NTNG1: variants seen among roughly 807,000 people sequenced by gnomAD.
The protein encoded by NTNG1 is netrin-G1.
Under a neutral mutation model 54.0 loss-of-function variants are expected in NTNG1, and 16 were observed. The observed-to-expected ratio is 0.30, with a 90% confidence interval of 0.20 to 0.45. NTNG1 has a LOEUF of 0.45. NTNG1 is among the 20% of genes least tolerant of loss of function. NTNG1 has a pLI of 1.00. For synonymous variants in NTNG1, 255 were observed against 263.1 expected, an observed-to-expected ratio of 0.97 and a Z score of 0.30; for missense variants, 530 against 678.7, an observed-to-expected ratio of 0.78 and a Z score of 2.43.
At chr1:107,224,028 C>G (rs531724400) in intron 2 of NTNG1, among the ~76,000 whole-genome samples, 1 of 152,116 alleles carries the variant, frequency 6.6e-6, no homozygotes, top group African/African-American at 2.4e-5. Context: ...AATTAGAGCA[C>G]GAAGTCACAG....
At chr1:107,338,926 T>C (rs1668748188) in intron 3 of NTNG1, among the ~76,000 whole-genome samples, 1 of 151,906 alleles carries the variant, frequency 6.6e-6, no homozygotes, top group Admixed American at 6.6e-5. Flanking sequence ...AAAAATATAT[T>C]GTTTTTCTTT....
intron 7 of NTNG1, among the ~76,000 whole-genome samples, chr1:107,451,148 C>T (rs866149020): frequency 5.4e-5 from 8 of 147,042 alleles, no homozygotes; most frequent in African/African-American, 2.0e-4. Flanking sequence ...GGACTTTCCA[C>T]GGGGTTATTT....
At chr1:107,361,374 C>CACATATATAT (rs1285054598) in intron 3 of NTNG1, among the ~76,000 whole-genome samples, 72 of 87,956 alleles carry the variant, frequency 8.2e-4, no homozygotes, top group South Asian at 2.0e-3. Context: ...TATATATATA[C>CACATATATAT]ATATATATAT....
chr1:107,456,765 T>C (rs1353707890), intron 7 of NTNG1, among the ~76,000 whole-genome samples: 2 of 152,256 alleles, frequency 1.3e-5, no homozygotes, highest in East Asian at 3.8e-4. Context: ...GCAATATTGT[T>C]GCTTATGTAA....
At chr1:107,167,607 C>T (rs1247225870) in intron 2 of NTNG1, among the ~76,000 whole-genome samples, 1 of 151,854 alleles carries the variant, frequency 6.6e-6, no homozygotes, top group Admixed American at 6.6e-5. Flanking sequence ...GGTTAAATGA[C>T]TTGCCATAAG....
At chr1:107,161,768 T>C (rs4366346) in intron 2 of NTNG1, among the ~76,000 whole-genome samples, 4,175 of 152,036 alleles carry the variant, frequency 0.027, 91 homozygotes, top group South Asian at 0.067. Context: ...AAAAAAGATA[T>C]CACTGACAGA....
Position 107,421,024 on chromosome 1 carries a change from A to G in NTNG1, c.1088-9726A>G, listed in dbSNP as rs1159039171. 3 of 1,174,502 alleles carry G rather than the reference A, an allele frequency of 2.6e-6. 1 individual carries two copies. The highest frequency in any genetic ancestry group is 1.5e-5 in the African/African-American group (1 of 66,474). 72.8% of individuals were successfully genotyped at this position (1,174,502 alleles called of 1,614,324 possible). On this transcript the variant is annotated intron_variant, in intron 5 of 7. Transcript: ENST00000370068. ...TCAAGTGGGTTGGTGATAAGTTATT[A>G]CAGTTTGAACGTTTCACTATTGTTT...
intron 2 of NTNG1, among the ~76,000 whole-genome samples, chr1:107,177,185 T>C (rs1037201207): frequency 6.6e-6 from 1 of 152,154 alleles, no homozygotes; most frequent in East Asian, 1.9e-4. Flanking sequence ...ACCATAATAT[T>C]CGAGGCCCTA....
rs72701235 is a variant in NTNG1, at chr1:107,458,053, T to G, written c.1390+21254T>G. On this transcript the variant is annotated intron_variant, in intron 7 of 7. Coordinates refer to ENST00000370068, the MANE Select transcript of NTNG1 (RefSeq NM_001113226.3). Reference sequence around the variant, plus strand: ...TCTAATAGCCCAAGTGCAGATATATTCAATTCCAACATGTTCGCATCTAAA... The same window carrying G: ...TCTAATAGCCCAAGTGCAGATATATGCAATTCCAACATGTTCGCATCTAAA... Among the ~76,000 whole-genome samples the G allele has an allele frequency of 5.0e-3, 760 of 152,270 alleles. 6 individuals are homozygous for G. The highest frequency in any genetic ancestry group is 6.5e-3 in the Non-Finnish European group (445 of 67,998).
intron 2 of NTNG1, among the ~76,000 whole-genome samples, chr1:107,163,683 A>G (rs1655568338): frequency 6.6e-6 from 1 of 152,238 alleles, no homozygotes; most frequent in African/African-American, 2.4e-5. Context: ...TCACTCATGG[A>G]TACAATGACA....
At chr1:107,237,003 C>T (rs1661458349) in intron 2 of NTNG1, among the ~76,000 whole-genome samples, 1 of 152,132 alleles carries the variant, frequency 6.6e-6, no homozygotes, top group Non-Finnish European at 1.5e-5. Context: ...AACTTTGGAA[C>T]TAGGTAACAG....
At chr1:107,248,617 G>A (rs747859708) in intron 2 of NTNG1, among the ~76,000 whole-genome samples, 1 of 152,024 alleles carries the variant, frequency 6.6e-6, no homozygotes, top group South Asian at 2.1e-4. Context: ...CTATAATGAC[G>A]ATCACAATAT....
chr1:107,480,438 CATTT>C (rs1238249533), intron 7 of NTNG1, among the ~76,000 whole-genome samples, 169 bp from the exon 8 acceptor site: 1 of 152,086 alleles, frequency 6.6e-6, no homozygotes, highest in Admixed American at 6.5e-5. Flanking sequence ...CAGAAAACTA[CATTT>C]GTTTGGAAAT....
At chr1:107,416,961 A>T (rs1674253428) in intron 5 of NTNG1, among the ~76,000 whole-genome samples, 1 of 152,122 alleles carries the variant, frequency 6.6e-6, no homozygotes. Flanking sequence ...AGCTTTATTA[A>T]ATAAAACAAT....
chr1:107,256,794 A>G (rs948526382), intron 2 of NTNG1, among the ~76,000 whole-genome samples: 5 of 152,236 alleles, frequency 3.3e-5, no homozygotes, highest in Non-Finnish European at 5.9e-5. Flanking sequence ...TGCAGAAACT[A>G]GAGAGCAAAT....
chr1:107,312,205 G>A (rs978860961), intron 2 of NTNG1, among the ~76,000 whole-genome samples: 3 of 152,066 alleles, frequency 2.0e-5, no homozygotes, highest in African/African-American at 7.2e-5. Flanking sequence ...TATGAATGAA[G>A]CTGCGGTGAA....
intron 2 of NTNG1, among the ~76,000 whole-genome samples, chr1:107,164,396 A>G (rs1419134789): frequency 6.6e-6 from 1 of 152,208 alleles, no homozygotes; most frequent in Non-Finnish European, 1.5e-5. Flanking sequence ...CCATACAGAA[A>G]CTTTATTGAT....
chr1:107,304,101 G>A lies in NTNG1; in HGVS notation c.247-20181G>A, dbSNP rs180828105. On this transcript the variant is annotated intron_variant, in intron 2 of 7. Transcript: ENST00000370068. ...GCCTATTACAACAAGTATTTCCAAG[G>A]TCACTGACAACCACTTTCAAGACAA... Among the ~76,000 whole-genome samples the A allele has an allele frequency of 1.3e-3, 192 of 151,292 alleles. 1 individual carries two copies. Among genetic ancestry groups the A allele is most frequent in the African/African-American group, 4.5e-3 (187 of 41,270 alleles).
Position 107,480,934 on chromosome 1 carries a change from G to T in NTNG1, c.*94G>T. Reference sequence around the variant, plus strand: ...CTAACATAGGAAACACACACATACAGACACCCCCACTCAGACAGTGTACAA... The same window carrying T: ...CTAACATAGGAAACACACACATACATACACCCCCACTCAGACAGTGTACAA... On this transcript the variant is annotated 3_prime_UTR_variant, in exon 8 of 8. Coordinates refer to ENST00000370068, the MANE Select transcript of NTNG1 (RefSeq NM_001113226.3). The T allele has an allele frequency of 1.1e-6, 1 of 903,892 alleles. No individual in the cohort carries two copies. Among genetic ancestry groups the T allele is most frequent in the Non-Finnish European group, 1.7e-6 (1 of 583,808 alleles). 56.0% of individuals were successfully genotyped at this position (903,892 alleles called of 1,614,324 possible).
Sources: gnomAD v4.1 joint callset for allele counts (sites outside exome capture counted in the v4.1 genomes callset) on GRCh38, gnomAD v4.1.1 for gene constraint, MANE v1.5 for transcripts, NCBI Gene and HGNC (gene_info 2026-07-23, HGNC 2026-07-21) for gene names.